The following SLC39A11 variants were observed in gnomAD, a reference collection of about 807,000 sequenced individuals.
SLC39A11 encodes zinc transporter ZIP11.
In SLC39A11, 33 loss-of-function variants were observed where a neutral mutation model predicts 36.1. That is an observed-to-expected ratio of 0.91 (90% CI 0.69 to 1.22). The LOEUF is 1.22. SLC39A11 is among the 50% of genes most tolerant of loss of function. The pLI, the probability that SLC39A11 is intolerant of heterozygous loss-of-function variation, is 0.00. For missense variants in SLC39A11, 432 were observed against 430.3 expected, an observed-to-expected ratio of 1.00 and a Z score of -0.03; for synonymous variants, 166 against 170.3, an observed-to-expected ratio of 0.97 and a Z score of 0.20.
intron 4 of SLC39A11, among the ~76,000 whole-genome samples, chr17:72,951,240 C>G (rs1286152806): frequency 7.8e-6 from 1 of 128,920 alleles, no homozygotes; most frequent in African/African-American, 3.0e-5. Flanking sequence ...CCAGCCTGGG[C>G]AACGGAGAGT....
chr17:72,679,311 G>C (rs117040958), intron 7 of SLC39A11, among the ~76,000 whole-genome samples: 1 of 152,344 alleles, frequency 6.6e-6, no homozygotes, highest in East Asian at 1.9e-4. Flanking sequence ...ATAAACGTTT[G>C]CTGTGATGGG....
intron 5 of SLC39A11, among the ~76,000 whole-genome samples, chr17:72,868,905 G>A (rs1251683301): frequency 6.6e-6 from 1 of 152,192 alleles, no homozygotes; most frequent in Non-Finnish European, 1.5e-5. Context: ...CTCTAAAGAT[G>A]GCACCCAACA....
intron 6 of SLC39A11, among the ~76,000 whole-genome samples, chr17:72,808,515 G>C (rs115428340): frequency 6.6e-6 from 1 of 152,138 alleles, no homozygotes; most frequent in Non-Finnish European, 1.5e-5. Flanking sequence ...TTAGGATTAC[G>C]GGAGGGGCCT....
At chr17:72,687,892 C>T (rs1428080864) in intron 7 of SLC39A11, among the ~76,000 whole-genome samples, 7 of 151,606 alleles carry the variant, frequency 4.6e-5, no homozygotes, top group African/African-American at 1.7e-4. Flanking sequence ...CTGTGGCATA[C>T]AGTGACATCT....
At chr17:73,082,469 G>GT (rs2060574813) in intron 3 of SLC39A11, among the ~76,000 whole-genome samples, 2 of 151,650 alleles carry the variant, frequency 1.3e-5, no homozygotes, top group Non-Finnish European at 2.9e-5. Flanking sequence ...ATTTTTATTT[G>GT]ATTTTTTTCT....
intron 6 of SLC39A11, chr17:72,837,677 G>A (rs2078626184): frequency 5.7e-6 from 1 of 176,182 alleles, no homozygotes; most frequent in Non-Finnish European, 1.2e-5. Flanking sequence ...ACAAAACACG[G>A]TGTATCCATA....
chr17:72,669,331 C>T (rs1367878867), intron 7 of SLC39A11, among the ~76,000 whole-genome samples: 2 of 152,166 alleles, frequency 1.3e-5, no homozygotes, highest in African/African-American at 4.8e-5. Flanking sequence ...ATTTCAGGAT[C>T]CAGTGTGGGA....
At chr17:72,728,935 C>A (rs950502442) in intron 7 of SLC39A11, among the ~76,000 whole-genome samples, 6 of 152,158 alleles carry the variant, frequency 3.9e-5, no homozygotes, top group Non-Finnish European at 8.8e-5. Context: ...GGGTTCTGTA[C>A]GCAACAGCTC....
intron 7 of SLC39A11, among the ~76,000 whole-genome samples, chr17:72,715,949 A>G (rs1218078273): frequency 6.6e-6 from 1 of 152,158 alleles, no homozygotes; most frequent in Non-Finnish European, 1.5e-5. Flanking sequence ...CGCCCGCTTC[A>G]GCCTCCCAAA....
intron 7 of SLC39A11, among the ~76,000 whole-genome samples, chr17:72,709,014 C>T (rs1277553031): frequency 6.6e-6 from 1 of 151,828 alleles, no homozygotes; most frequent in Non-Finnish European, 1.5e-5. Flanking sequence ...CGGCTCACTA[C>T]AAGCTCTGCC....
intron 3 of SLC39A11, among the ~76,000 whole-genome samples, chr17:73,073,110 G>A (rs1272765241): frequency 1.3e-5 from 2 of 152,198 alleles, no homozygotes; most frequent in Non-Finnish European, 2.9e-5. Flanking sequence ...AACCCAGGAG[G>A]TGGAGGCTGC....
intron 3 of SLC39A11, among the ~76,000 whole-genome samples, chr17:73,065,034 G>A (rs1282278323): frequency 1.3e-5 from 2 of 152,054 alleles, no homozygotes; most frequent in African/African-American, 2.4e-5. Flanking sequence ...TTTATAAAAT[G>A]AGACAGAGTC....
At chr17:72,730,192 CCAT>C (rs2074159219) in intron 7 of SLC39A11, among the ~76,000 whole-genome samples, 3 of 152,182 alleles carry the variant, frequency 2.0e-5, no homozygotes, top group Admixed American at 2.0e-4. Context: ...AACTCCCCCA[CCAT>C]GACTGTGTTT....
intron 7 of SLC39A11, among the ~76,000 whole-genome samples, chr17:72,681,464 G>A (rs1391207371): frequency 6.6e-6 from 1 of 152,212 alleles, no homozygotes; most frequent in African/African-American, 2.4e-5. Flanking sequence ...CCAGGAGAGA[G>A]ACCAGTGGAG....
Position 72,951,261 on chromosome 17 carries a change from C to CA in SLC39A11, c.307-3387dup, listed in dbSNP as rs61453793. On this transcript the variant is annotated intron_variant, in intron 4 of 9. Coordinates refer to ENST00000255559, the MANE Select transcript of SLC39A11 (RefSeq NM_139177.4). ...TGGGCAACGGAGAGTGACCCTGTTG[C>CA]AAAAAAAAAAAAAAAAAGCCAGCAA... Among the ~76,000 whole-genome samples the CA allele has an allele frequency of 6.9e-3, 600 of 86,828 alleles. 7 individuals are homozygous for CA. Among genetic ancestry groups the CA allele is most frequent in the Middle Eastern group, 0.047 (6 of 128 alleles). 57.0% of individuals were successfully genotyped at this position (86,828 alleles called of 152,430 possible). A position where few individuals can be genotyped will look rare whatever the true frequency, so the allele number is the denominator to read the frequency against.
intron 7 of SLC39A11, among the ~76,000 whole-genome samples, chr17:72,717,832 T>C (rs1302143827): frequency 6.6e-6 from 1 of 152,158 alleles, no homozygotes; most frequent in Non-Finnish European, 1.5e-5. Context: ...TCCCTCGGAG[T>C]GACCCTGCAC....
chr17:73,012,461 C>T (rs74253744), intron 4 of SLC39A11, among the ~76,000 whole-genome samples: 2,315 of 151,956 alleles, frequency 0.015, 56 homozygotes, highest in Admixed American at 0.057. Context: ...AACAAAGGAT[C>T]GACTGAATAA....
intron 5 of SLC39A11, among the ~76,000 whole-genome samples, chr17:72,851,877 T>A (rs4793494): frequency 0.98 from 149,195 of 152,298 alleles, 73,147 homozygotes; most frequent in East Asian, 1. Context: ...TAAATAAATT[T>A]AAAAACATTA....
At chr17:72,910,093 G>C (rs1286754817) in intron 5 of SLC39A11, among the ~76,000 whole-genome samples, 2 of 152,014 alleles carry the variant, frequency 1.3e-5, no homozygotes, top group Non-Finnish European at 2.9e-5. Flanking sequence ...GGTTGGACTG[G>C]AACCCAGATC....
Sources: gnomAD v4.1 joint callset for allele counts (sites outside exome capture counted in the v4.1 genomes callset) on GRCh38, gnomAD v4.1.1 for gene constraint, MANE v1.5 for transcripts, NCBI Gene and HGNC (gene_info 2026-07-23, HGNC 2026-07-21) for gene names.